UBR3: variants seen among roughly 807,000 people sequenced by gnomAD.
UBR3 encodes E3 ubiquitin-protein ligase UBR3.
UBR3 carries 85 observed loss-of-function variants against 243.2 expected under a neutral mutation model. The ratio of observed to expected loss-of-function variants is 0.35; its 90% CI spans 0.29 to 0.42. The LOEUF is 0.42. UBR3 is among the 10% of genes least tolerant of loss of function. UBR3 has a pLI of 1.00. For synonymous variants in UBR3, 748 were observed against 799.8 expected (o/e 0.94, Z 1.09); for missense variants, 1,686 against 2,300.8 (o/e 0.73, Z 5.47).
chr2:170,027,014 G>T (rs16857484), intron 30 of UBR3, among the ~76,000 whole-genome samples: 1,772 of 151,834 alleles, frequency 0.012, 48 homozygotes, highest in African/African-American at 0.039. Context: ...TTGTTAAAAT[G>T]GTTATTTGGT....
At chr2:170,052,072 TATA>T (rs1008037760) in intron 32 of UBR3, among the ~76,000 whole-genome samples, 6 of 152,172 alleles carry the variant, frequency 3.9e-5, no homozygotes, top group African/African-American at 9.7e-5. Flanking sequence ...ACTCAGTATA[TATA>T]ATGTTAATTT....
intron 8 of UBR3, among the ~76,000 whole-genome samples, chr2:169,899,498 T>C (rs999485601): frequency 2.0e-5 from 3 of 152,178 alleles, no homozygotes; most frequent in African/African-American, 4.8e-5. Flanking sequence ...AAATGGTGTT[T>C]TTTTTAAATT....
Position 170,055,493 on chromosome 2 carries a change from C to T in UBR3, c.4694C>T (p.Thr1565Ile), listed in dbSNP as rs780858812. ...ACCTGCATTGTGAAGGTACTTTTTA[C>T]CCTACTGTACACACAGGCTCTTGCA... Reference protein sequence around the residue: ...HFTCIVKVLFTLLYTQALAAL... With the variant: ...HFTCIVKVLFILLYTQALAAL... Residue 1565 changes from threonine (T) to isoleucine (I), a missense_variant, in exon 33 of 39, where the codon ACC becomes ATC. Transcript: ENST00000272793. The T allele has an allele frequency of 1.2e-6, 2 of 1,613,456 alleles. No individual in the cohort carries two copies. The highest frequency in any genetic ancestry group is 1.1e-5 in the South Asian group (1 of 91,030).
intron 5 of UBR3, among the ~76,000 whole-genome samples, chr2:169,890,050 T>G (rs1421404732): frequency 6.6e-6 from 1 of 152,204 alleles, no homozygotes; most frequent in Non-Finnish European, 1.5e-5. Context: ...ATGTGGAAGT[T>G]GTTGATTCAT....
At chr2:169,899,506 A>AT (rs1231088388) in intron 8 of UBR3, among the ~76,000 whole-genome samples, 1 of 151,584 alleles carries the variant, frequency 6.6e-6, no homozygotes, top group Non-Finnish European at 1.5e-5. Context: ...TTTTTTTTAA[A>AT]TTTTTTTACT....
intron 1 of UBR3, among the ~76,000 whole-genome samples, chr2:169,857,091 T>TTTTTTTTTTTA (rs2082911942): frequency 8.4e-6 from 1 of 118,594 alleles, no homozygotes; most frequent in African/African-American, 4.0e-5. Flanking sequence ...TTTTTTTTTT[T>TTTTTTTTTTTA]GAGACGGAGT....
intron 24 of UBR3, among the ~76,000 whole-genome samples, chr2:169,983,274 T>TTTTTTTTTTTTG (rs2088838934): frequency 1.2e-5 from 1 of 84,414 alleles, no homozygotes; most frequent in African/African-American, 3.7e-5. Flanking sequence ...TTTTTTTTTT[T>TTTTTTTTTTTTG]GAGATGGAGT....
chr2:169,986,637 TCCCTCAGA>T lies in UBR3; in HGVS notation c.3635-7_3635del. On this transcript the variant is annotated splice_acceptor_variant and splice_polypyrimidine_tract_variant and coding_sequence_variant and intron_variant, in exon 25 of 39. Transcript: ENST00000272793. LOFTEE classifies it high-confidence loss of function. Reference sequence around the variant, plus strand: ...AGGAATTAAAGAGATGTAACTTTTTTCCCTCAGATTCTCCTGAGAATGATATTCCTATG... The same window carrying T: ...AGGAATTAAAGAGATGTAACTTTTTTTTCTCCTGAGAATGATATTCCTATG... 2 of 1,601,258 alleles carry T rather than the reference TCCCTCAGA, an allele frequency of 1.2e-6. No homozygotes were observed. Among genetic ancestry groups the T allele is most frequent in the Admixed American group, 3.5e-5 (2 of 57,362 alleles).
intron 32 of UBR3, among the ~76,000 whole-genome samples, chr2:170,051,223 AATG>A (rs2091209441): frequency 1.3e-5 from 2 of 152,158 alleles, no homozygotes; most frequent in Non-Finnish European, 2.9e-5. Context: ...TATTTTTTTA[AATG>A]ATGATAATCA....
rs2091944551 is a variant in UBR3, at chr2:170,084,084, A to C, written c.*2241A>C. The stretch of plus-strand genomic sequence containing the variant: ...CTAGGAATAATCAACATTGTAAGAT[A>C]TGTTAATAAAAACCTGCTGTCATTT... On this transcript the variant is annotated 3_prime_UTR_variant, in exon 39 of 39. Transcript: ENST00000272793. The C allele has an allele frequency of 6.6e-6, 1 of 152,474 alleles. No individual in the cohort carries two copies. The highest frequency in any genetic ancestry group is 1.5e-5 in the Non-Finnish European group (1 of 68,016). 9.4% of individuals were successfully genotyped at this position (152,474 alleles called of 1,614,324 possible). A position where few individuals can be genotyped will look rare whatever the true frequency, so the allele number is the denominator to read the frequency against.
At chr2:169,915,389 G>A (rs543431927) in intron 11 of UBR3, among the ~76,000 whole-genome samples, 55 of 152,054 alleles carry the variant, frequency 3.6e-4, no homozygotes, top group African/African-American at 1.0e-3. Context: ...ATGTGCCACC[G>A]CACCCAGCTG....
At chr2:169,926,064 C>T (rs2085897970) in intron 14 of UBR3, among the ~76,000 whole-genome samples, 1 of 152,028 alleles carries the variant, frequency 6.6e-6, no homozygotes, top group South Asian at 2.1e-4. Context: ...GGCTTTGAGG[C>T]ATAGGGGCTG....
chr2:169,999,186 T>G (rs1487830116), intron 26 of UBR3, among the ~76,000 whole-genome samples: 1 of 152,238 alleles, frequency 6.6e-6, no homozygotes, highest in African/African-American at 2.4e-5. Context: ...AGAGAGCAGC[T>G]GGTTTATTAA....
intron 19 of UBR3, among the ~76,000 whole-genome samples, chr2:169,942,256 G>T (rs1214462982): frequency 6.6e-6 from 1 of 152,022 alleles, no homozygotes; most frequent in African/African-American, 2.4e-5. Context: ...GCACTTTAAA[G>T]TTTATATATT....
intron 11 of UBR3, among the ~76,000 whole-genome samples, chr2:169,920,474 T>C (rs974127829): frequency 2.7e-5 from 2 of 74,754 alleles, no homozygotes; most frequent in Middle Eastern, 7.9e-3. Context: ...AATAATAAAG[T>C]AAAAGCAGTA....
At chr2:169,991,685 C>T (rs2089280641) in intron 25 of UBR3, among the ~76,000 whole-genome samples, 1 of 152,114 alleles carries the variant, frequency 6.6e-6, no homozygotes, top group African/African-American at 2.4e-5. Flanking sequence ...TGGGTTCACA[C>T]CATTCTCCTG....
At chr2:169,843,934 T>C (rs1328276781) in intron 1 of UBR3, among the ~76,000 whole-genome samples, 1 of 152,170 alleles carries the variant, frequency 6.6e-6, no homozygotes, top group Non-Finnish European at 1.5e-5. Context: ...TATTTGTTGT[T>C]GGAAGCTTTT....
chr2:169,913,275 T>C (rs1160697236), intron 10 of UBR3, among the ~76,000 whole-genome samples: 1 of 152,230 alleles, frequency 6.6e-6, no homozygotes, highest in Non-Finnish European at 1.5e-5. Context: ...CATCTTTGTA[T>C]GTGCTTATTA....
At chr2:169,916,797 C>G (rs758951835) in intron 11 of UBR3, among the ~76,000 whole-genome samples, 129 of 152,186 alleles carry the variant, frequency 8.5e-4, no homozygotes, top group Admixed American at 2.6e-3. Flanking sequence ...CTACACTGGT[C>G]TGCCCTGCTG....
Sources: allele counts gnomAD v4.1 joint callset (sites outside exome capture counted in the v4.1 genomes callset), GRCh38; gene constraint gnomAD v4.1.1; transcripts MANE v1.5; gene names NCBI Gene and HGNC (gene_info 2026-07-23, HGNC 2026-07-21).